TGM3: variants seen among roughly 807,000 people sequenced by gnomAD.
The protein encoded by TGM3 is protein-glutamine gamma-glutamyltransferase E.
In TGM3, 52 loss-of-function variants were observed where a neutral mutation model predicts 73.8. That is an observed-to-expected ratio of 0.70 (90% CI 0.56 to 0.89). TGM3 has a LOEUF of 0.89. TGM3 is among the 40% of genes least tolerant of loss of function. TGM3 has a pLI of 0.00. For synonymous variants in TGM3, 372 were observed against 354.9 expected, an observed-to-expected ratio of 1.05 and a Z score of -0.54; for missense variants, 928 against 909.9, an observed-to-expected ratio of 1.02 and a Z score of -0.26.
intron 1 of TGM3, among the ~76,000 whole-genome samples, chr20:2,303,038 G>A (rs214788): frequency 0.75 from 113,808 of 152,152 alleles, 44,058 homozygotes; most frequent in East Asian, 0.93. Flanking sequence ...GGTGGCTCAC[G>A]ACTGTAATCC....
chr20:2,328,833 A>T lies in TGM3; in HGVS notation c.1333+468A>T, dbSNP rs2084304741. Among the ~76,000 whole-genome samples the T allele has an allele frequency of 1.3e-5, 2 of 152,230 alleles. No individual in the cohort carries two copies. Among genetic ancestry groups the T allele is most frequent in the South Asian group, 4.1e-4 (2 of 4,826 alleles). ...AGAGACCTGAGCTTGCACTGTGCACATTTGGAGGTCTCCCAAGAAGCCAGA... is the reference window on the plus strand; with the variant it reads ...AGAGACCTGAGCTTGCACTGTGCACTTTTGGAGGTCTCCCAAGAAGCCAGA... On this transcript the variant is annotated intron_variant, in intron 9 of 12. Transcript: ENST00000381458. The surrounding 1 kb of genome is among the most constrained non-coding windows in gnomAD (Gnocchi z 5.2).
rs764782884 is a variant in TGM3, at chr20:2,332,262, C to A, written c.1594C>A (p.His532Asn). The change falls in exon 10 of 13, where the codon CAT becomes AAT. Residue 532 changes from histidine (H) to asparagine (N), a missense_variant. His to Asn is a moderately conservative substitution (Grantham distance 68). Transcript: ENST00000381458. This position sits in a 1 kb window ranked among gnomAD's most constrained non-coding sequence, Gnocchi z 4.4. ...CATCATCTACAACGGCACGCTTGTA[C>A]ATGAAGTGTGGAAGGACTCTGCCAC... ...WTIIYNGTLV[H>N]EVWKDSATMS... The A allele has an allele frequency of 6.2e-7, 1 of 1,613,140 alleles. No homozygotes were observed.
intron 10 of TGM3, among the ~76,000 whole-genome samples, chr20:2,333,757 G>A (rs557350567): frequency 6.6e-5 from 10 of 152,142 alleles, no homozygotes; most frequent in East Asian, 5.8e-4. Context: ...AAAAAAAACC[G>A]TTTTGCAGAA....
Position 2,340,890 on chromosome 20 carries a change from C to T in TGM3, c.*309C>T, listed in dbSNP as rs553676025. The T allele has an allele frequency of 1.0e-4, 54 of 520,752 alleles. No individual in the cohort carries two copies. The highest frequency in any genetic ancestry group is 5.9e-4 in the Middle Eastern group (2 of 3,416). The allele number at this position is 520,752 out of a possible 1,614,324, so 32.3% of individuals were successfully genotyped here. ...CCTTCAATGCTGCAGGATGGACTGG[C>T]CCCTGACCCAGGGACTCTCCAAACG... On this transcript the variant is annotated 3_prime_UTR_variant, in exon 13 of 13. Coordinates refer to ENST00000381458, the MANE Select transcript of TGM3 (RefSeq NM_003245.4).
chr20:2,332,241 A>C lies in TGM3; in HGVS notation c.1573A>C (p.Ile525Leu). The change falls in exon 10 of 13, where the codon ATC becomes CTC. Residue 525 changes from isoleucine (I) to leucine (L), a missense_variant. Coordinates refer to ENST00000381458, the MANE Select transcript of TGM3 (RefSeq NM_003245.4). The surrounding 1 kb of genome is among the most constrained non-coding windows in gnomAD (Gnocchi z 4.4). ...AGTGAACATGACAGCCTGGACCATC[A>C]TCTACAACGGCACGCTTGTACATGA... Reference protein sequence around the residue: ...VTVNMTAWTIIYNGTLVHEVW... With the variant: ...VTVNMTAWTILYNGTLVHEVW... 6.2e-7 allele frequency: 1 copy of C among 1,613,986 alleles called. No homozygotes were observed. Among genetic ancestry groups the C allele is most frequent in the South Asian group, 1.1e-5 (1 of 91,054 alleles).
At chr20:2,327,945 T>C (rs938001158) in intron 8 of TGM3, among the ~76,000 whole-genome samples, 175 bp from the exon 9 acceptor site, 1 of 152,136 alleles carries the variant, frequency 6.6e-6, no homozygotes, top group African/African-American at 2.4e-5. Context: ...AAGAGAATCA[T>C]AGCCCGGGAG....
intron 1 of TGM3, among the ~76,000 whole-genome samples, chr20:2,298,325 G>A (rs1281840575): frequency 2.0e-5 from 3 of 152,170 alleles, no homozygotes; most frequent in Admixed American, 6.5e-5. Flanking sequence ...CCCAGAGTGG[G>A]TGGGAGAGCA....
intron 1 of TGM3, among the ~76,000 whole-genome samples, chr20:2,302,945 T>G (rs948484012): frequency 2.6e-5 from 4 of 152,184 alleles, no homozygotes; most frequent in African/African-American, 4.8e-5. Context: ...AACATTATGC[T>G]AAGTAAAATA....
intron 4 of TGM3, among the ~76,000 whole-genome samples, chr20:2,312,447 A>G (rs2084210820): frequency 1.3e-5 from 2 of 150,524 alleles, no homozygotes; most frequent in Non-Finnish European, 3.0e-5. Context: ...CTAGAAGGAA[A>G]CTCTGAGATG....
At chr20:2,326,094 C>G in intron 8 of TGM3, 142 bp downstream of exon 8, 1 of 832,208 alleles carries the variant, frequency 1.2e-6, no homozygotes, top group South Asian at 1.7e-5. Flanking sequence ...AAAAATAGAT[C>G]TCCCCTGCTA....
chr20:2,306,617 C>CTACTCAGG (rs2084177996), intron 1 of TGM3, among the ~76,000 whole-genome samples: 1 of 152,114 alleles, frequency 6.6e-6, no homozygotes, highest in East Asian at 1.9e-4. Context: ...GCTGGGATTA[C>CTACTCAGG]AGGCGTGCGC....
intron 1 of TGM3, among the ~76,000 whole-genome samples, chr20:2,308,735 T>C (rs2084187343): frequency 6.6e-6 from 1 of 152,142 alleles, no homozygotes; most frequent in Non-Finnish European, 1.5e-5. Flanking sequence ...GCATTGCAAA[T>C]ACAGGGAAGG....
chr20:2,323,116 A>G (rs1425626678), intron 7 of TGM3, among the ~76,000 whole-genome samples: 3 of 152,022 alleles, frequency 2.0e-5, no homozygotes, highest in Non-Finnish European at 2.9e-5. Flanking sequence ...ATTCGGTTAC[A>G]TAAGTTCTTT....
At chr20:2,312,178 T>A (rs999427146) in intron 4 of TGM3, among the ~76,000 whole-genome samples, 1 of 151,932 alleles carries the variant, frequency 6.6e-6, no homozygotes, top group Non-Finnish European at 1.5e-5. Context: ...GGCGGGTGGA[T>A]CACCTGAGGT....
At chr20:2,314,681 A>C (rs116808012) in intron 5 of TGM3, among the ~76,000 whole-genome samples, 1,704 of 152,168 alleles carry the variant, frequency 0.011, 24 homozygotes, top group African/African-American at 0.039. Context: ...TGATTGCGCC[A>C]CTGCACTTCA....
At chr20:2,299,410 C>T (rs531952653) in intron 1 of TGM3, among the ~76,000 whole-genome samples, 44 of 142,894 alleles carry the variant, frequency 3.1e-4, no homozygotes, top group Middle Eastern at 3.5e-3. Context: ...GAGCACTCCC[C>T]TTGTTCACCT....
At chr20:2,320,850 G>T (rs776888001) in intron 7 of TGM3, among the ~76,000 whole-genome samples, 2 of 152,150 alleles carry the variant, frequency 1.3e-5, no homozygotes, top group Non-Finnish European at 2.9e-5. Flanking sequence ...GACTTTTCTG[G>T]CTTGTTTTCT....
intron 5 of TGM3, among the ~76,000 whole-genome samples, chr20:2,315,242 C>T (rs2084227092): frequency 6.6e-6 from 1 of 152,234 alleles, no homozygotes; most frequent in African/African-American, 2.4e-5. Flanking sequence ...AGCTGCACCT[C>T]CCAGATGCTC....
Position 2,332,397 on chromosome 20 carries a change from G to A in TGM3, c.1642+87G>A, listed in dbSNP as rs45512503. ...CTGCAGGGTGTCTGCTGGGCTCCAG[G>A]TTAGTCAGCTACGAATGGAGCAGCC... On this transcript the variant is annotated intron_variant, in intron 10 of 12. Transcript: ENST00000381458. This position sits in a 1 kb window ranked among gnomAD's most constrained non-coding sequence, Gnocchi z 4.4. The A allele has an allele frequency of 0.025, 33,655 of 1,324,972 alleles. 496 individuals carry two copies. Among genetic ancestry groups the A allele is most frequent in the Non-Finnish European group, 0.029 (28,428 of 989,894 alleles). 82.1% of individuals were successfully genotyped at this position (1,324,972 alleles called of 1,614,324 possible).
Sources: allele counts gnomAD v4.1 joint callset (sites outside exome capture counted in the v4.1 genomes callset), GRCh38; gene constraint gnomAD v4.1.1; non-coding constraint Gnocchi (gnomAD v3.1); transcripts MANE v1.5; gene names NCBI Gene and HGNC (gene_info 2026-07-23, HGNC 2026-07-21).